The following SKIL variants were observed in gnomAD, a reference collection of about 807,000 sequenced individuals.
SKIL encodes SKI like proto-oncogene.
SKIL carries 20 observed loss-of-function variants against 69.6 expected under a neutral mutation model. That is an observed-to-expected ratio of 0.29 (90% confidence interval 0.20 to 0.42). The LOEUF (loss-of-function observed/expected upper bound fraction) is 0.42. Ranked by LOEUF, SKIL falls within the 10% of genes least tolerant of loss-of-function variation. The probability of loss-of-function intolerance (pLI) is 1.00; values close to 1 mark genes in which losing one functional copy is unlikely to be tolerated. For missense variants in SKIL, 745 were observed against 783.1 expected, an observed-to-expected ratio of 0.95 and a Z score of 0.58; for synonymous variants, 310 against 279.9, an observed-to-expected ratio of 1.11 and a Z score of -1.08.
chr3:170,380,021 T>C (rs1737250267), intron 2 of SKIL, among the ~76,000 whole-genome samples: 1 of 152,162 alleles, frequency 6.6e-6, no homozygotes, highest in Non-Finnish European at 1.5e-5. Flanking sequence ...GGATATTTGT[T>C]AGAATTAAGA....
intron 2 of SKIL, among the ~76,000 whole-genome samples, chr3:170,362,964 C>T (rs13101192): frequency 2.0e-5 from 3 of 150,636 alleles, no homozygotes; most frequent in Admixed American, 6.7e-5. Flanking sequence ...TATTTAGTTT[C>T]TTGATCGGGT....
chr3:170,365,765 T>C lies in SKIL; in HGVS notation c.1098+4336T>C, dbSNP rs1041443849. 1.3e-4 allele frequency among the ~76,000 whole-genome samples: 20 copies of C among 148,490 alleles called. 1 individual carries two copies. The highest frequency in any genetic ancestry group is 5.1e-4 in the African/African-American group (20 of 39,566). ...AGTCAAACTAGGCTTTTTTTTTTTT[T>C]TTTTTTTTGAGATGGAGTTTCGCTC... On this transcript the variant is annotated intron_variant, in intron 2 of 6. Transcript: ENST00000259119.
intron 2 of SKIL, among the ~76,000 whole-genome samples, chr3:170,369,307 A>T (rs1736685378): frequency 6.6e-6 from 1 of 152,230 alleles, no homozygotes; most frequent in Non-Finnish European, 1.5e-5. Flanking sequence ...TTTTCAGAGT[A>T]GGCCTGGATC....
At chr3:170,391,298 A>C (rs755470046) in intron 6 of SKIL, 38 bp downstream of exon 6, 2 of 1,146,072 alleles carry the variant, frequency 1.7e-6, no homozygotes, top group East Asian at 4.9e-5. Context: ...CCCTTTCAGC[A>C]TGGAAATGGA....
At chr3:170,362,627 C>T (rs1466238319) in intron 2 of SKIL, among the ~76,000 whole-genome samples, 3 of 151,682 alleles carry the variant, frequency 2.0e-5, no homozygotes, top group South Asian at 4.2e-4. Flanking sequence ...CCAGCCTGGC[C>T]AACATGGTAA....
At chr3:170,369,700 C>T (rs927639951) in intron 2 of SKIL, among the ~76,000 whole-genome samples, 1 of 151,650 alleles carries the variant, frequency 6.6e-6, no homozygotes, top group Non-Finnish European at 1.5e-5. Flanking sequence ...CCGCACCCAG[C>T]GAATTGGGCT....
At chr3:170,378,416 C>A (rs1577430136) in intron 2 of SKIL, among the ~76,000 whole-genome samples, 1 of 152,132 alleles carries the variant, frequency 6.6e-6, no homozygotes, top group African/African-American at 2.4e-5. Context: ...TTGTTTTAAT[C>A]ACTACTGCTT....
At chr3:170,368,148 A>G (rs1191409082) in intron 2 of SKIL, among the ~76,000 whole-genome samples, 1 of 152,218 alleles carries the variant, frequency 6.6e-6, no homozygotes, top group African/African-American at 2.4e-5. Context: ...TGATCTAGTA[A>G]TAATTGTGGT....
intron 2 of SKIL, among the ~76,000 whole-genome samples, chr3:170,371,668 A>C (rs1276311959): frequency 6.6e-6 from 1 of 152,186 alleles, no homozygotes; most frequent in African/African-American, 2.4e-5. Context: ...CACTACAGAA[A>C]ATGAATTGAG....
rs531808929 is a variant in SKIL at position 170,368,688 on chromosome 3, CTGAA to C, written c.1098+7262_1098+7265del. Among the ~76,000 whole-genome samples, 56 of 152,236 alleles carry C rather than the reference CTGAA, an allele frequency of 3.7e-4. No homozygotes were observed. The South Asian group carries it at 0.012, about 32-fold the overall frequency. On this transcript the variant is annotated intron_variant, in intron 2 of 6. Coordinates refer to ENST00000259119, the MANE Select transcript of SKIL (RefSeq NM_005414.5). The stretch of plus-strand genomic sequence containing the variant: ...TATATTTCTGAGACAAACAAGATAA[CTGAA>C]TGTTGGGTTCAAATGTATCTCATTT...
Position 170,384,596 on chromosome 3 carries a change from C to T in SKIL, c.1260C>T (p.Ser420=). Residue 420 remains serine, a synonymous_variant, in exon 4 of 7, where the codon TCC becomes TCT. Transcript: ENST00000259119. ...ATGTGTCACTTACTTCTGCTGTATC[C>T]CAGTCTAAAGAGCTCACAAAGACAG... ...APNVSLTSAV[S]QSKELTKTEA... The T allele has an allele frequency of 6.2e-7, 1 of 1,612,946 alleles. No individual in the cohort carries two copies. Among genetic ancestry groups the T allele is most frequent in the South Asian group, 1.1e-5 (1 of 90,982 alleles).
intron 6 of SKIL, 114 bp from the exon 7 acceptor site, chr3:170,392,145 C>A: frequency 1.3e-6 from 1 of 779,372 alleles, no homozygotes; most frequent in Non-Finnish European, 2.0e-6. Flanking sequence ...ATTTAGTATA[C>A]ATGAAATAGT....
At chr3:170,376,851 A>G (rs1331292915) in intron 2 of SKIL, among the ~76,000 whole-genome samples, 1 of 152,152 alleles carries the variant, frequency 6.6e-6, no homozygotes, top group Non-Finnish European at 1.5e-5. Context: ...GCTAGGTAAT[A>G]TCACAGATGT....
rs1477006011 is a variant in SKIL at position 170,369,197 on chromosome 3, G to C, written c.1098+7768G>C. ...TTATTATTAAAAAATAGAATTGTTA[G>C]CATATGATTTTTGAAAGTTAGAAAT... On this transcript the variant is annotated intron_variant, in intron 2 of 6. Coordinates refer to ENST00000259119, the MANE Select transcript of SKIL (RefSeq NM_005414.5). Among the ~76,000 whole-genome samples the C allele has an allele frequency of 2.0e-5, 3 of 150,148 alleles. No homozygotes were observed. The East Asian group carries it at 5.8e-4, about 29-fold the overall frequency.
At chr3:170,365,899 G>A (rs1406499603) in intron 2 of SKIL, among the ~76,000 whole-genome samples, 1 of 151,954 alleles carries the variant, frequency 6.6e-6, no homozygotes, top group African/African-American at 2.4e-5. Flanking sequence ...GCAATTACAG[G>A]CGTCTGCCAC....
chr3:170,376,054 T>C lies in SKIL; in HGVS notation c.1099-5190T>C, dbSNP rs574483750. The stretch of plus-strand genomic sequence containing the variant: ...CAAGCTGATTTTCCTTTTTTTTTTT[T>C]TTTTTTTTTTTGAGACGGAGTTTCA... On this transcript the variant is annotated intron_variant, in intron 2 of 6. Coordinates refer to ENST00000259119, the MANE Select transcript of SKIL (RefSeq NM_005414.5). Among the ~76,000 whole-genome samples, 8 of 146,070 alleles carry C rather than the reference T, an allele frequency of 5.5e-5. No individual in the cohort carries two copies. In the East Asian group the frequency reaches 1.6e-3, roughly 29 times the overall value.
chr3:170,366,998 G>A, intron 2 of SKIL, among the ~76,000 whole-genome samples: 1 of 152,114 alleles, frequency 6.6e-6, no homozygotes, highest in Non-Finnish European at 1.5e-5. Flanking sequence ...AGATCAACAG[G>A]CAAATTAATC....
At chr3:170,387,851 G>T (rs868631482) in intron 4 of SKIL, among the ~76,000 whole-genome samples, 46 of 134,890 alleles carry the variant, frequency 3.4e-4, no homozygotes, top group Non-Finnish European at 5.2e-4. Flanking sequence ...GGAGAATGGC[G>T]TGAACCCGGG....
chr3:170,379,238 A>G (rs921606387), intron 2 of SKIL, among the ~76,000 whole-genome samples: 2 of 152,144 alleles, frequency 1.3e-5, no homozygotes, highest in Admixed American at 6.6e-5. Context: ...TCGGCCTCCC[A>G]AAATGCTAGG....
Sources: gnomAD v4.1 joint callset for allele counts (sites outside exome capture counted in the v4.1 genomes callset) on GRCh38, gnomAD v4.1.1 for gene constraint, MANE v1.5 for transcripts, NCBI Gene and HGNC (gene_info 2026-07-23, HGNC 2026-07-21) for gene names.